Variants in HECA observed in about 807,000 individuals in gnomAD.
The protein encoded by HECA is HECA ribonucleoprotein granule regulator, also known as headcase protein homolog.
A neutral mutation model predicts 37.6 loss-of-function variants in HECA; 13 were observed. The observed-to-expected ratio is 0.35, with a 90% CI of 0.23 to 0.55. The LOEUF is 0.55. Ranked by LOEUF, HECA falls within the 20% of genes least tolerant of loss-of-function variation. HECA has a pLI of 0.90. For synonymous variants in HECA, 307 were observed against 291.5 expected (o/e 1.05, Z -0.54); for missense variants, 527 against 701.9 (o/e 0.75, Z 2.82).
chr6:139,147,481 C>G lies in HECA; in HGVS notation c.271+11814C>G, dbSNP rs148294137. The stretch of plus-strand genomic sequence containing the variant: ...CCTCTGCAAAAATACAAAAATTAGC[C>G]GGATGTGGTGATGTGTGCCTGTAGT... On this transcript the variant is annotated intron_variant, in intron 1 of 3. Transcript: ENST00000367658. Among the ~76,000 whole-genome samples, 73 of 152,028 alleles carry G rather than the reference C, an allele frequency of 4.8e-4. 1 individual carries two copies. Among genetic ancestry groups the G allele is most frequent in the African/African-American group, 1.5e-3 (64 of 41,442 alleles).
intron 1 of HECA, among the ~76,000 whole-genome samples, chr6:139,157,989 C>G (rs1472933632): frequency 6.6e-6 from 1 of 152,212 alleles, no homozygotes; most frequent in Non-Finnish European, 1.5e-5. Context: ...TTGCTCTAAA[C>G]TTGTTCAAAA....
chr6:139,174,220 A>T (rs1056781316), intron 2 of HECA, among the ~76,000 whole-genome samples, 165 bp from the exon 3 acceptor site: 2 of 152,260 alleles, frequency 1.3e-5, no homozygotes, highest in African/African-American at 4.8e-5. Flanking sequence ...ATTCATCATT[A>T]TCCTGAAAGG....
At chr6:139,164,759 TC>T (rs1347006725) in intron 1 of HECA, among the ~76,000 whole-genome samples, 1 of 151,924 alleles carries the variant, frequency 6.6e-6, no homozygotes, top group Non-Finnish European at 1.5e-5. Flanking sequence ...ACCCTTGTCA[TC>T]CCAGCCTGTA....
chr6:139,167,398 T>G (rs1774906754), intron 2 of HECA, 74 bp downstream of exon 2: 1 of 1,255,698 alleles, frequency 8.0e-7, no homozygotes, highest in African/African-American at 1.5e-5. Flanking sequence ...GATTGCTCTA[T>G]TTTGGTGTAG....
intron 2 of HECA, among the ~76,000 whole-genome samples, chr6:139,173,315 A>G (rs536870654): frequency 1.5e-4 from 23 of 152,294 alleles, no homozygotes; most frequent in Non-Finnish European, 4.4e-5. Flanking sequence ...CATCCCAGAC[A>G]CTGTGCTAGT....
At chr6:139,153,235 C>T (rs959858487) in intron 1 of HECA, 2 of 151,980 alleles carry the variant, frequency 1.3e-5, no homozygotes, top group African/African-American at 4.8e-5. Flanking sequence ...CTGTGTATCT[C>T]CTAAGAGAAT....
chr6:139,167,421 T>G, intron 2 of HECA, 97 bp downstream of exon 2: 1 of 1,040,134 alleles, frequency 9.6e-7, no homozygotes, highest in East Asian at 2.5e-5. Flanking sequence ...TTCACCAGTG[T>G]TGTTTTTTTG....
intron 1 of HECA, among the ~76,000 whole-genome samples, chr6:139,152,432 G>GTGTGTGTT (rs1307094363): frequency 6.6e-6 from 1 of 151,936 alleles, no homozygotes; most frequent in Non-Finnish European, 1.5e-5. Flanking sequence ...GTGTGTGTGT[G>GTGTGTGTT]TGTGTGTGTG....
intron 1 of HECA, among the ~76,000 whole-genome samples, chr6:139,143,557 T>C (rs1774542091): frequency 1.3e-5 from 2 of 152,174 alleles, no homozygotes; most frequent in South Asian, 4.1e-4. Flanking sequence ...AATGGGTACA[T>C]CTTCCTTATA....
intron 1 of HECA, among the ~76,000 whole-genome samples, chr6:139,149,899 T>C (rs1178998781): frequency 2.0e-5 from 3 of 152,250 alleles, no homozygotes; most frequent in Non-Finnish European, 4.4e-5. Context: ...ATCCTGTCCC[T>C]GAGCTCTCCT....
chr6:139,141,899 C>A (rs946122215), intron 1 of HECA, among the ~76,000 whole-genome samples: 3 of 149,644 alleles, frequency 2.0e-5, no homozygotes, highest in African/African-American at 7.4e-5. Flanking sequence ...ACTACAGGCA[C>A]ATGCCACCAT....
intron 1 of HECA, among the ~76,000 whole-genome samples, chr6:139,153,660 C>A (rs150751228): frequency 2.0e-5 from 3 of 152,006 alleles, no homozygotes; most frequent in African/African-American, 7.2e-5. Flanking sequence ...CTCAGGTGAT[C>A]CTCCCGCCTC....
intron 1 of HECA, among the ~76,000 whole-genome samples, chr6:139,157,907 C>T (rs1339367394): frequency 6.6e-6 from 1 of 152,190 alleles, no homozygotes; most frequent in East Asian, 1.9e-4. Flanking sequence ...GTGCCCAACT[C>T]CTGGTGGGCT....
In HECA at chr6:139,178,902, T is replaced by A. The variant is rs1178952610; in HGVS notation, c.*1797T>A. ...TTTCAGTTCTATATGAAGTATTTGA[T>A]GTTTTGTTTGAAACAATACAGCATT... On this transcript the variant is annotated 3_prime_UTR_variant, in exon 4 of 4. Coordinates refer to ENST00000367658, the MANE Select transcript of HECA (RefSeq NM_016217.3). The A allele has an allele frequency of 6.6e-6, 1 of 152,222 alleles. No homozygotes were observed. The highest frequency in any genetic ancestry group is 1.5e-5 in the Non-Finnish European group (1 of 68,048). 9.4% of individuals were successfully genotyped at this position (152,222 alleles called of 1,614,324 possible). A position where few individuals can be genotyped will look rare whatever the true frequency, so the allele number is the denominator to read the frequency against.
At chr6:139,162,254 A>G (rs1192397683) in intron 1 of HECA, among the ~76,000 whole-genome samples, 2 of 152,256 alleles carry the variant, frequency 1.3e-5, no homozygotes, top group East Asian at 1.9e-4. Context: ...TAGGGGGGCA[A>G]TCCTGGTAAA....
intron 3 of HECA, among the ~76,000 whole-genome samples, chr6:139,175,184 T>A (rs1775033980): frequency 6.6e-6 from 1 of 152,184 alleles, no homozygotes; most frequent in Non-Finnish European, 1.5e-5. Context: ...ACAAATAACC[T>A]ATAGAATCAC....
At chr6:139,154,656 T>C (rs1387126573) in intron 1 of HECA, among the ~76,000 whole-genome samples, 1 of 152,212 alleles carries the variant, frequency 6.6e-6, no homozygotes, top group Admixed American at 6.5e-5. Context: ...CAGAGGTCAT[T>C]GGGATTTCAG....
At chr6:139,136,531 C>T (rs1774447734) in intron 1 of HECA, among the ~76,000 whole-genome samples, 1 of 151,988 alleles carries the variant, frequency 6.6e-6, no homozygotes, top group Non-Finnish European at 1.5e-5. Context: ...TCCAGGAAGA[C>T]AACGTAGGTA....
chr6:139,139,575 G>A (rs1169828311), intron 1 of HECA, among the ~76,000 whole-genome samples: 1 of 152,252 alleles, frequency 6.6e-6, no homozygotes, highest in African/African-American at 2.4e-5. Flanking sequence ...TTGGGCAGAA[G>A]CAGGAGTTGA....
Sources: allele counts gnomAD v4.1 joint callset (sites outside exome capture counted in the v4.1 genomes callset), GRCh38; gene constraint gnomAD v4.1.1; transcripts MANE v1.5; gene names NCBI Gene and HGNC (gene_info 2026-07-23, HGNC 2026-07-21).